Variants in TDRD3 observed in about 807,000 individuals in gnomAD.
TDRD3 encodes tudor domain containing 3, also known as tudor domain-containing protein 3.
TDRD3 carries 45 observed loss-of-function variants against 86.7 expected under a neutral mutation model. The observed-to-expected ratio is 0.52, with a 90% confidence interval of 0.41 to 0.67. TDRD3 has a LOEUF of 0.67. Ranked by LOEUF, TDRD3 falls within the 30% of genes least tolerant of loss-of-function variation. TDRD3 has a pLI of 0.00. For synonymous variants in TDRD3, 298 were observed against 301.7 expected (o/e 0.99, Z 0.13); for missense variants, 814 against 889.0 (o/e 0.92, Z 1.07).
chr13:60,411,306 CA>C (rs1486249163), intron 1 of TDRD3, among the ~76,000 whole-genome samples: 2 of 152,110 alleles, frequency 1.3e-5, no homozygotes, highest in Non-Finnish European at 2.9e-5. Flanking sequence ...TTTACAGTTA[CA>C]GGGTAATGAG....
intron 2 of TDRD3, among the ~76,000 whole-genome samples, chr13:60,440,227 G>A (rs1955226821): frequency 6.6e-6 from 1 of 151,626 alleles, no homozygotes; most frequent in South Asian, 2.1e-4. Flanking sequence ...AAACAGAAAA[G>A]CAAAATAAGA....
intron 12 of TDRD3, among the ~76,000 whole-genome samples, chr13:60,541,398 C>G (rs1366665303): frequency 2.0e-5 from 3 of 152,052 alleles, no homozygotes. Context: ...AACTCCTGAC[C>G]TCAGGTGATC....
At chr13:60,402,041 A>G (rs966003142) in intron 1 of TDRD3, among the ~76,000 whole-genome samples, 1 of 152,256 alleles carries the variant, frequency 6.6e-6, no homozygotes, top group Non-Finnish European at 1.5e-5. Flanking sequence ...TAGCTACTAC[A>G]AAGATGTGGA....
chr13:60,568,171 G>A (rs1438911328), intron 13 of TDRD3, among the ~76,000 whole-genome samples: 1 of 152,204 alleles, frequency 6.6e-6, no homozygotes, highest in African/African-American at 2.4e-5. Context: ...GCCATCCTAA[G>A]TGAAGAAATT....
At chr13:60,488,405 G>A (rs1956498017) in intron 7 of TDRD3, among the ~76,000 whole-genome samples, 2 of 152,150 alleles carry the variant, frequency 1.3e-5, no homozygotes, top group South Asian at 4.1e-4. Context: ...TTTAAGATCA[G>A]AAGGGTCAAT....
intron 12 of TDRD3, among the ~76,000 whole-genome samples, chr13:60,550,387 A>G (rs1958021195): frequency 1.3e-5 from 2 of 152,110 alleles, no homozygotes; most frequent in African/African-American, 2.4e-5. Context: ...AAATATTTGT[A>G]TTAGTGAATT....
intron 5 of TDRD3, among the ~76,000 whole-genome samples, chr13:60,475,494 G>T (rs1321869282): frequency 6.6e-6 from 1 of 152,258 alleles, no homozygotes; most frequent in Non-Finnish European, 1.5e-5. Context: ...CCAGTTCTGT[G>T]TCGATGGACC....
At chr13:60,433,565 C>T (rs955483444) in intron 1 of TDRD3, among the ~76,000 whole-genome samples, 2 of 152,140 alleles carry the variant, frequency 1.3e-5, no homozygotes, top group African/African-American at 2.4e-5. Flanking sequence ...GGTACACTTA[C>T]GGCACAACAC....
chr13:60,510,303 T>G (rs914508673), intron 9 of TDRD3, among the ~76,000 whole-genome samples: 12 of 152,182 alleles, frequency 7.9e-5, no homozygotes, highest in African/African-American at 2.9e-4. Flanking sequence ...CTTTAATCAT[T>G]GCATGGTCAA....
intron 10 of TDRD3, among the ~76,000 whole-genome samples, chr13:60,513,835 CT>C (rs1197131274): frequency 6.6e-6 from 1 of 152,186 alleles, no homozygotes; most frequent in Non-Finnish European, 1.5e-5. Context: ...CCCATAAACT[CT>C]TTTTCCTGTA....
At chr13:60,487,119 A>G (rs889165078) in intron 7 of TDRD3, among the ~76,000 whole-genome samples, 1 of 152,118 alleles carries the variant, frequency 6.6e-6, no homozygotes, top group Non-Finnish European at 1.5e-5. Context: ...TCTTGTGATT[A>G]TTTCCTAATG....
chr13:60,525,865 T>C (rs1359490923), intron 10 of TDRD3, among the ~76,000 whole-genome samples: 1 of 152,234 alleles, frequency 6.6e-6, no homozygotes, highest in Non-Finnish European at 1.5e-5. Context: ...AGATTGGATC[T>C]GGAACAAAGT....
intron 10 of TDRD3, among the ~76,000 whole-genome samples, chr13:60,526,804 C>T (rs1957447495): frequency 6.6e-6 from 1 of 151,740 alleles, no homozygotes; most frequent in African/African-American, 2.4e-5. Flanking sequence ...TCCATTGGTT[C>T]GGTTGAGAAT....
intron 12 of TDRD3, 98 bp downstream of exon 12, chr13:60,535,331 C>A: frequency 7.4e-7 from 1 of 1,357,352 alleles, no homozygotes; most frequent in South Asian, 1.8e-5. Flanking sequence ...CAAGTGGAAT[C>A]ATATTTTGAA....
chr13:60,569,150 G>T (rs974683068), intron 13 of TDRD3, among the ~76,000 whole-genome samples: 5 of 151,952 alleles, frequency 3.3e-5, no homozygotes, highest in African/African-American at 1.2e-4. Context: ...TGTATTTTTT[G>T]TGGAGATGGG....
chr13:60,557,466 G>T (rs908329694), intron 12 of TDRD3, among the ~76,000 whole-genome samples: 5 of 152,104 alleles, frequency 3.3e-5, no homozygotes, highest in Non-Finnish European at 2.9e-5. Context: ...ATTGATAAAG[G>T]TTTGTAAACC....
intron 1 of TDRD3, among the ~76,000 whole-genome samples, chr13:60,439,427 G>A (rs1346084384): frequency 6.6e-6 from 1 of 152,078 alleles, no homozygotes; most frequent in Non-Finnish European, 1.5e-5. Flanking sequence ...TAAGTATATT[G>A]ACATTTAAAT....
chr13:60,530,928 A>G, intron 11 of TDRD3, among the ~76,000 whole-genome samples: 1 of 152,148 alleles, frequency 6.6e-6, no homozygotes, highest in Non-Finnish European at 1.5e-5. Flanking sequence ...GGGGTCAAGA[A>G]CCAGGCCTTC....
intron 6 of TDRD3, among the ~76,000 whole-genome samples, chr13:60,484,282 C>T (rs1401657301): frequency 6.6e-6 from 1 of 152,158 alleles, no homozygotes; most frequent in African/African-American, 2.4e-5. Flanking sequence ...TGTGACTTCA[C>T]TTGTCTTCAG....
Sources: allele counts gnomAD v4.1 joint callset (sites outside exome capture counted in the v4.1 genomes callset), GRCh38; gene constraint gnomAD v4.1.1; transcripts MANE v1.5; gene names NCBI Gene and HGNC (gene_info 2026-07-23, HGNC 2026-07-21).